Variants in TNIK observed in about 807,000 individuals in gnomAD.
TNIK encodes TRAF2 and NCK-interacting protein kinase.
Under a neutral mutation model 191.3 loss-of-function variants are expected in TNIK, and 49 were observed. The observed-to-expected ratio is 0.26, with a 90% CI of 0.20 to 0.32. TNIK has a LOEUF of 0.32. Ranked by LOEUF, TNIK falls within the 10% of genes least tolerant of loss-of-function variation. The pLI, the probability that TNIK is intolerant of heterozygous loss-of-function variation, is 1.00. For synonymous variants in TNIK, 594 were observed against 600.9 expected (o/e 0.99, Z 0.17); for missense variants, 1,155 against 1,702.3 (o/e 0.68, Z 5.66).
chr3:171,371,424 G>A (rs1052974444), intron 1 of TNIK, among the ~76,000 whole-genome samples: 2 of 152,150 alleles, frequency 1.3e-5, no homozygotes, highest in African/African-American at 4.8e-5. Context: ...AACAGATTAA[G>A]CACTTAGTCA....
intron 2 of TNIK, among the ~76,000 whole-genome samples, chr3:171,241,356 A>T (rs759450367): frequency 6.6e-6 from 1 of 152,230 alleles, no homozygotes; most frequent in Non-Finnish European, 1.5e-5. Flanking sequence ...ACTTGAAGGC[A>T]TAACAACTCT....
intron 2 of TNIK, among the ~76,000 whole-genome samples, chr3:171,345,289 T>C (rs1360797814): frequency 6.6e-6 from 1 of 152,228 alleles, no homozygotes; most frequent in Non-Finnish European, 1.5e-5. Context: ...AAGTAATTAA[T>C]GAGCCCTGCA....
chr3:171,341,415 T>A (rs568879917), intron 2 of TNIK, among the ~76,000 whole-genome samples: 1 of 126,088 alleles, frequency 7.9e-6, no homozygotes, highest in East Asian at 2.6e-4. Context: ...GAGGTTGTAG[T>A]GAGCCAAGAT....
intron 12 of TNIK, among the ~76,000 whole-genome samples, chr3:171,151,908 C>T (rs900717813): frequency 6.6e-6 from 1 of 152,198 alleles, no homozygotes; most frequent in Non-Finnish European, 1.5e-5. Flanking sequence ...CAACCTTCCA[C>T]ACCAGCGGCT....
At chr3:171,282,334 G>GGTTTTTT (rs1553878294) in intron 2 of TNIK, among the ~76,000 whole-genome samples, 35 of 114,538 alleles carry the variant, frequency 3.1e-4, no homozygotes, top group African/African-American at 1.2e-3. Flanking sequence ...TCTCTTAATG[G>GGTTTTTT]TTTTTTGTTT....
At chr3:171,397,276 G>T (rs1009819323) in intron 1 of TNIK, among the ~76,000 whole-genome samples, 2 of 152,180 alleles carry the variant, frequency 1.3e-5, no homozygotes, top group Non-Finnish European at 2.9e-5. Flanking sequence ...CTCCCCTTTT[G>T]TTAGCCACAG....
At chr3:171,364,179 C>T (rs11920208) in intron 2 of TNIK, among the ~76,000 whole-genome samples, 1,958 of 152,138 alleles carry the variant, frequency 0.013, 35 homozygotes, top group African/African-American at 0.039. Flanking sequence ...AAGTTGGAGC[C>T]GGGAAATCTA....
At chr3:171,224,242 G>A (rs1742710256) in intron 3 of TNIK, among the ~76,000 whole-genome samples, 1 of 152,180 alleles carries the variant, frequency 6.6e-6, no homozygotes, top group Non-Finnish European at 1.5e-5. Flanking sequence ...ATTCATACAA[G>A]CTAGTAAATT....
rs1413296145 is a variant in TNIK at position 171,155,026 on chromosome 3, G to T, written c.1221+2434C>A. Among the ~76,000 whole-genome samples the T allele has an allele frequency of 2.6e-5, 4 of 152,310 alleles. No homozygotes were observed. The East Asian group carries it at 7.7e-4, about 29-fold the overall frequency. On this transcript the variant is annotated intron_variant, in intron 12 of 32. Transcript: ENST00000436636. ...TGCAGGGCTTCCTTAGAAACCCTCT[G>T]GTGGGAGGTGACATTTGAGATCACA...
At chr3:171,412,843 A>G (rs1018686781) in intron 1 of TNIK, among the ~76,000 whole-genome samples, 11 of 152,228 alleles carry the variant, frequency 7.2e-5, no homozygotes, top group African/African-American at 2.7e-4. Context: ...GAACTCTCAG[A>G]ATGTAGGTTT....
intron 1 of TNIK, among the ~76,000 whole-genome samples, chr3:171,418,428 G>A (rs1243682701): frequency 6.6e-6 from 1 of 152,076 alleles, no homozygotes; most frequent in Admixed American, 6.6e-5. Flanking sequence ...TAGCCCAAAG[G>A]TAGAAACAAC....
intron 1 of TNIK, among the ~76,000 whole-genome samples, chr3:171,431,516 C>T (rs1365747866): frequency 6.6e-6 from 1 of 151,964 alleles, no homozygotes; most frequent in Admixed American, 6.6e-5. Context: ...ATTTACTGTT[C>T]TTGTAATATT....
At chr3:171,274,129 G>C (rs1749442537) in intron 2 of TNIK, among the ~76,000 whole-genome samples, 1 of 152,198 alleles carries the variant, frequency 6.6e-6, no homozygotes, top group South Asian at 2.1e-4. Context: ...CTCTATCCCA[G>C]AGGAAGACCA....
chr3:171,116,514 A>G (rs1014762747), intron 18 of TNIK, among the ~76,000 whole-genome samples: 3 of 152,256 alleles, frequency 2.0e-5, no homozygotes, highest in African/African-American at 4.8e-5. Flanking sequence ...TGGGATTACA[A>G]AGTAATTTTG....
At chr3:171,336,449 T>A (rs1157641345) in intron 2 of TNIK, among the ~76,000 whole-genome samples, 2 of 152,216 alleles carry the variant, frequency 1.3e-5, no homozygotes, top group Non-Finnish European at 2.9e-5. Context: ...TATGCTGTTA[T>A]CTCTGTGCCA....
At chr3:171,383,582 C>A (rs1718344492) in intron 1 of TNIK, among the ~76,000 whole-genome samples, 1 of 152,062 alleles carries the variant, frequency 6.6e-6, no homozygotes, top group African/African-American at 2.4e-5. Flanking sequence ...ACTGAAGGAA[C>A]AATGCTTCTT....
intron 2 of TNIK, among the ~76,000 whole-genome samples, chr3:171,332,967 G>A (rs1756553253): frequency 6.6e-6 from 1 of 152,120 alleles, no homozygotes; most frequent in Non-Finnish European, 1.5e-5. Context: ...CTAGGGGGTG[G>A]AAATGCTAGA....
At chr3:171,112,107 G>T (rs1322180475) in intron 18 of TNIK, among the ~76,000 whole-genome samples, 1 of 152,144 alleles carries the variant, frequency 6.6e-6, no homozygotes, top group Non-Finnish European at 1.5e-5. Context: ...TGGATATATT[G>T]ATTAACTTGA....
At chr3:171,443,867 C>A (rs1727149526) in intron 1 of TNIK, among the ~76,000 whole-genome samples, 1 of 152,108 alleles carries the variant, frequency 6.6e-6, no homozygotes, top group South Asian at 2.1e-4. Context: ...TTCCCTGATA[C>A]TTTAATGATA....
Sources: gnomAD v4.1 joint callset for allele counts (sites outside exome capture counted in the v4.1 genomes callset) on GRCh38, gnomAD v4.1.1 for gene constraint, MANE v1.5 for transcripts, NCBI Gene and HGNC (gene_info 2026-07-23, HGNC 2026-07-21) for gene names.